The following ZNF276 variants were observed in gnomAD, a reference collection of about 807,000 sequenced individuals.
ZNF276 encodes centromere protein Z.
Under a neutral mutation model 63.9 loss-of-function variants are expected in ZNF276, and 59 were observed. The observed-to-expected ratio is 0.92, with a 90% CI of 0.75 to 1.15. The LOEUF (loss-of-function observed/expected upper bound fraction) is 1.15. Among genes scored for constraint, ZNF276 ranks in the 50% most tolerant of loss-of-function variants. The pLI is 0.00. For synonymous variants in ZNF276, 496 were observed against 348.4 expected (o/e 1.42, Z -4.72); for missense variants, 1,084 against 843.8 (o/e 1.28, Z -3.53).
chr16:89,735,058 C>T (rs890655711), intron 9 of ZNF276, among the ~76,000 whole-genome samples: 30 of 150,810 alleles, frequency 2.0e-4, no homozygotes, highest in Admixed American at 4.6e-4. Flanking sequence ...ACTTGGGAGG[C>T]GGAGGTGGAG....
Position 89,738,403 on chromosome 16 carries a change from G to T in ZNF276, c.*157G>T. 7.3e-7 allele frequency: 1 copy of T among 1,379,184 alleles called. No homozygotes were observed. Among genetic ancestry groups the T allele is most frequent in the Non-Finnish European group, 9.8e-7 (1 of 1,020,732 alleles). The allele number at this position is 1,379,184 out of a possible 1,614,324, so 85.4% of individuals were successfully genotyped here. On this transcript the variant is annotated 3_prime_UTR_variant, in exon 11 of 11. Coordinates refer to ENST00000443381, the MANE Select transcript of ZNF276 (RefSeq NM_001113525.2). ...TGTCCGGCTCAAGTAGCCTTCCTCT[G>T]CTCTGGGACCAGTGGTTTATTTTCC...
upstream of ZNF276, chr16:89,720,974 G>A (rs2061250279): frequency 3.7e-6 from 4 of 1,068,922 alleles, no homozygotes; most frequent in South Asian, 7.9e-5. Context: ...ACCGCAGGAA[G>A]GGACGCGGCC....
Position 89,740,171 on chromosome 16 carries a change from C to G in ZNF276, c.*1925C>G. The stretch of plus-strand genomic sequence containing the variant: ...CCCATGGGTAGGAGGGTACAGCCCT[C>G]AGCACAGAAGAGGGCATTTCCTCTT... On this transcript the variant is annotated 3_prime_UTR_variant, in exon 11 of 11. Transcript: ENST00000443381. 1 of 1,201,836 alleles carries G rather than the reference C, an allele frequency of 8.3e-7. No homozygotes were observed. The highest frequency in any genetic ancestry group is 1.2e-6 in the Non-Finnish European group (1 of 805,392). The allele number at this position is 1,201,836 out of a possible 1,614,324, so 74.4% of individuals were successfully genotyped here.
chr16:89,735,292 G>C (rs1474150691), intron 9 of ZNF276, among the ~76,000 whole-genome samples: 6 of 151,820 alleles, frequency 4.0e-5, no homozygotes, highest in Admixed American at 6.6e-5. Context: ...TAAGGGGTGG[G>C]GGGGGGCCTG....
chr16:89,723,828 A>C (rs1449806696), intron 4 of ZNF276, 119 bp downstream of exon 4: 29 of 1,144,960 alleles, frequency 2.5e-5, no homozygotes, highest in Non-Finnish European at 3.3e-5. Context: ...TGGTGTGAGA[A>C]GGAGCAGAGC....
chr16:89,722,360 T>G (rs116853582), intron 1 of ZNF276, among the ~76,000 whole-genome samples, 171 bp from the exon 2 acceptor site: 1 of 152,088 alleles, frequency 6.6e-6, no homozygotes, highest in African/African-American at 2.4e-5. Flanking sequence ...AGCGGCCACA[T>G]CCCCCACAGG....
rs776536953 is a variant in ZNF276 at position 89,737,868 on chromosome 16, G to A, written c.1537G>A (p.Val513Ile). Residue 513 changes from valine to isoleucine, a missense_variant, in exon 10 of 11, where the codon GTC becomes ATC. Val to Ile is a conservative substitution (Grantham distance 29, BLOSUM62 3). Coordinates refer to ENST00000443381, the MANE Select transcript of ZNF276 (RefSeq NM_001113525.2). ...QTFKQRKHLL[V>I]HQMRHSGAKP... ...CTTCAAGCAGCGGAAGCACCTTCTCGTCCACCAAATGCGACATTCGGGAGC... is the reference window on the plus strand; with the variant it reads ...CTTCAAGCAGCGGAAGCACCTTCTCATCCACCAAATGCGACATTCGGGAGC... The A allele has an allele frequency of 1.2e-5, 20 of 1,614,034 alleles. No individual in the cohort carries two copies. Among genetic ancestry groups the A allele is most frequent in the African/African-American group, 2.7e-5 (2 of 74,906 alleles).
Position 89,722,771 on chromosome 16 carries a change from T to C in ZNF276, c.446T>C (p.Leu149Pro). ...CHAQFYQCHS[L>P]LKSFLQRVNA... ...GCCCAGTTCTACCAGTGCCACAGCC[T>C]TCTCAAGTCCTTCCTGCAGAGGGTC... The change falls in exon 2 of 11, where the codon CTT (leucine) becomes CCT (proline). Residue 149 changes from leucine (L) to proline (P), a missense_variant. Leu to Pro is a moderately conservative substitution (Grantham distance 98, BLOSUM62 -3). Coordinates refer to ENST00000443381, the MANE Select transcript of ZNF276 (RefSeq NM_001113525.2). 6.2e-7 allele frequency: 1 copy of C among 1,610,156 alleles called. No individual in the cohort carries two copies. Among genetic ancestry groups the C allele is most frequent in the Non-Finnish European group, 8.5e-7 (1 of 1,179,998 alleles).
chr16:89,739,566 G>C lies in ZNF276; in HGVS notation c.*1320G>C. 4 of 1,551,028 alleles carry C rather than the reference G, an allele frequency of 2.6e-6. No individual in the cohort carries two copies. The highest frequency in any genetic ancestry group is 1.2e-5 in the South Asian group (1 of 84,064). On this transcript the variant is annotated 3_prime_UTR_variant, in exon 11 of 11. Transcript: ENST00000443381. ...CCCAGCCTGAGGTCTGCAACACCAA[G>C]AAGTGGCTCAGGCAACTCTGGACAT...
chr16:89,728,934 C>G (rs1296517563), intron 5 of ZNF276, among the ~76,000 whole-genome samples: 1 of 152,230 alleles, frequency 6.6e-6, no homozygotes, highest in Admixed American at 6.5e-5. Flanking sequence ...GTCTGCTTAG[C>G]AGGAAGCTAC....
At position 89,738,716 on chromosome 16, in the gene ZNF276, A is replaced by C. The variant is rs372268907; in HGVS notation, c.*470A>C. 8.8e-5 allele frequency: 142 copies of C among 1,613,746 alleles called. No individual in the cohort carries two copies. In the African/African-American group the frequency reaches 1.7e-3, roughly 19 times the overall value. On this transcript the variant is annotated 3_prime_UTR_variant, in exon 11 of 11. Coordinates refer to ENST00000443381, the MANE Select transcript of ZNF276 (RefSeq NM_001113525.2). Reference sequence around the variant, plus strand: ...CCCACGATCAGCCAGCAGCTGTGAGAGAGGAGCAGGTCCTCAGCCCATGCC... The same window carrying C: ...CCCACGATCAGCCAGCAGCTGTGAGCGAGGAGCAGGTCCTCAGCCCATGCC...
At position 89,738,675 on chromosome 16, in the gene ZNF276, C is replaced by A. The variant is rs769243354; in HGVS notation, c.*429C>A. ...TGTCTGCTCTGGAGGGCGGCGCTCA[C>A]CTCTGGGTCGCAGTCCCCACGATCA... On this transcript the variant is annotated 3_prime_UTR_variant, in exon 11 of 11. Coordinates refer to ENST00000443381, the MANE Select transcript of ZNF276 (RefSeq NM_001113525.2). The A allele has an allele frequency of 1.1e-5, 18 of 1,613,808 alleles. No homozygotes were observed. In the East Asian group the frequency reaches 4.0e-4, roughly 36 times the overall value.
Position 89,738,432 on chromosome 16 carries a change from A to C in ZNF276, c.*186A>C. 1.4e-6 allele frequency: 2 copies of C among 1,382,388 alleles called. No individual in the cohort carries two copies. The highest frequency in any genetic ancestry group is 1.4e-5 in the African/African-American group (1 of 69,734). The allele number at this position is 1,382,388 out of a possible 1,614,324, so 85.6% of individuals were successfully genotyped here. ...TGGGACCAGTGGTTTATTTTCCCGC[A>C]AACGCTGAGTGACTCGGGGCCGGAC... On this transcript the variant is annotated 3_prime_UTR_variant, in exon 11 of 11. Coordinates refer to ENST00000443381, the MANE Select transcript of ZNF276 (RefSeq NM_001113525.2).
chr16:89,723,114 A>G, intron 2 of ZNF276, 23 bp from the exon 3 acceptor site: 2 of 1,613,174 alleles, frequency 1.2e-6, no homozygotes, highest in Non-Finnish European at 1.7e-6. Flanking sequence ...TGTCCTGCTC[A>G]TGGCCACACT....
chr16:89,721,472 G>C (rs1009335806), upstream of ZNF276: 9 of 567,470 alleles, frequency 1.6e-5, no homozygotes, highest in Admixed American at 4.5e-5. Flanking sequence ...GGCCGGCGGG[G>C]TCCCGCCCCT....
chr16:89,727,209 A>T (rs989863675), intron 4 of ZNF276, 70 bp from the exon 5 acceptor site: 1 of 1,475,890 alleles, frequency 6.8e-7, no homozygotes, highest in East Asian at 2.3e-5. Flanking sequence ...TAGTAGAATC[A>T]TGCCTCCTTG....
chr16:89,728,218 T>TG (rs2061526681), intron 5 of ZNF276, among the ~76,000 whole-genome samples: 1 of 151,536 alleles, frequency 6.6e-6, no homozygotes, highest in African/African-American at 2.4e-5. Context: ...TTTTTTTTTT[T>TG]TTTCCTTTTG....
rs2061289546 is a variant in ZNF276, at chr16:89,721,838, C to T, written c.198C>T (p.Asp66=). 4 of 1,217,182 alleles carry T rather than the reference C, an allele frequency of 3.3e-6. No homozygotes were observed. The highest frequency in any genetic ancestry group is 3.2e-5 in the African/African-American group (2 of 63,438). The allele number at this position is 1,217,182 out of a possible 1,614,324, so 75.4% of individuals were successfully genotyped here. ...GGGACGCGGGCGAGGACGGCGCGGA[C>T]GAGGCAGGTGGGTCCGCGGCCCGGG... ...SCGDAGEDGA[D]EAGAGRALAM... The change falls in exon 1 of 11, where the codon GAC becomes GAT. Residue 66 remains aspartate (D), a synonymous_variant. Coordinates refer to ENST00000443381, the MANE Select transcript of ZNF276 (RefSeq NM_001113525.2).
chr16:89,727,306 C>G lies in ZNF276; in HGVS notation c.1034C>G (p.Ser345Cys), dbSNP rs374799599. The change falls in exon 5 of 11, where the codon TCT (serine) becomes TGT (cysteine). Residue 345 changes from serine to cysteine, a missense_variant. Coordinates refer to ENST00000443381, the MANE Select transcript of ZNF276 (RefSeq NM_001113525.2). ...CAGTTGGGTGAGAAGCAGCTTCCAT[C>G]TTCAACCTCGGATGATCGGGTAAAA... ...PGQLGEKQLP[S>C]STSDDRVKDE... 6.2e-7 allele frequency: 1 copy of G among 1,614,044 alleles called. No homozygotes were observed. Among genetic ancestry groups the G allele is most frequent in the Non-Finnish European group, 8.5e-7 (1 of 1,180,052 alleles).
Sources: gnomAD v4.1 joint callset for allele counts (sites outside exome capture counted in the v4.1 genomes callset) on GRCh38, gnomAD v4.1.1 for gene constraint, MANE v1.5 for transcripts, NCBI Gene and HGNC (gene_info 2026-07-23, HGNC 2026-07-21) for gene names.